Variants in SOX5 observed in about 807,000 individuals in gnomAD.
SOX5 encodes the protein SRY-box transcription factor 5.
A neutral mutation model predicts 92.0 loss-of-function variants in SOX5; 9 were observed. That is an observed-to-expected ratio of 0.10 (90% CI 0.06 to 0.17). The LOEUF is 0.17. Ranked by LOEUF, SOX5 falls within the 10% of genes least tolerant of loss-of-function variation. The probability of loss-of-function intolerance (pLI) is 1.00; values close to 1 mark genes in which losing one functional copy is unlikely to be tolerated. For synonymous variants in SOX5, 344 were observed against 336.3 expected (o/e 1.02, Z -0.25); for missense variants, 642 against 944.5 (o/e 0.68, Z 4.20).
At chr12:24,038,060 C>T in intron 4 of SOX5, among the ~76,000 whole-genome samples, 1 of 152,112 alleles carries the variant, frequency 6.6e-6, no homozygotes, top group East Asian at 1.9e-4. Flanking sequence ...AGAGTAGAAA[C>T]CAAGATTTAA....
At chr12:24,496,228 C>T (rs928403313) in intron 1 of SOX5, among the ~76,000 whole-genome samples, 3 of 152,110 alleles carry the variant, frequency 2.0e-5, no homozygotes, top group African/African-American at 4.8e-5. Context: ...AGAAGAGTAA[C>T]GCCTAAACAT....
At chr12:23,885,349 A>G (rs1003660176) in intron 2 of SOX5, among the ~76,000 whole-genome samples, 24 of 152,152 alleles carry the variant, frequency 1.6e-4, no homozygotes, top group African/African-American at 5.8e-4. Context: ...TACCCCTATC[A>G]TCTTTTTCAT....
chr12:24,378,167 A>G (rs1957470021), intron 1 of SOX5, among the ~76,000 whole-genome samples: 1 of 152,186 alleles, frequency 6.6e-6, no homozygotes, highest in South Asian at 2.1e-4. Context: ...TGGAAAGTCA[A>G]ATTTCGTCTT....
rs530895412 is a variant in SOX5 at position 24,266,614 on chromosome 12, TTCC to T, written c.-77+10599_-77+10601del. ...ATTTTATGTTTATTCTTCATTTAAC[TTCC>T]TCCTATTAACTGAATATTTCTATTA... On this transcript the variant is annotated intron_variant, in intron 3 of 4. Coordinates refer to the SOX5 transcript ENST00000446891. 3.7e-3 allele frequency among the ~76,000 whole-genome samples: 570 copies of T among 152,358 alleles called. 8 individuals carry two copies. Among genetic ancestry groups the T allele is most frequent in the African/African-American group, 0.013 (539 of 41,588 alleles).
At chr12:24,048,971 T>TA (rs1010053949) in intron 4 of SOX5, among the ~76,000 whole-genome samples, 44 of 152,116 alleles carry the variant, frequency 2.9e-4, no homozygotes, top group African/African-American at 8.2e-4. Context: ...TGAATAATAC[T>TA]AAAAAAACCC....
At chr12:23,685,635 C>G (rs888458692) in intron 6 of SOX5, among the ~76,000 whole-genome samples, 5 of 147,970 alleles carry the variant, frequency 3.4e-5, no homozygotes, top group African/African-American at 7.4e-5. Context: ...TTGTCCCCCC[C>G]CCCAAAAATC....
chr12:23,868,378 G>C (rs903653450), intron 2 of SOX5, among the ~76,000 whole-genome samples: 4 of 152,062 alleles, frequency 2.6e-5, no homozygotes, highest in African/African-American at 9.7e-5. Flanking sequence ...GTTCAGAAAA[G>C]AATATCAAGC....
At position 24,477,233 on chromosome 12, in the gene SOX5, G is replaced by A. The variant is rs368167070; in HGVS notation, c.-251+85096C>T. On this transcript the variant is annotated intron_variant, in intron 1 of 4. Coordinates refer to the SOX5 transcript ENST00000446891. ...ACTGCAACCTCCACCTCCTGGGCTC[G>A]AGCGATTCTCCTGCCTCAGCCTCTC... is the stretch of plus-strand genomic sequence containing the variant. Among the ~76,000 whole-genome samples the A allele has an allele frequency of 1.6e-3, 235 of 151,424 alleles. 1 individual carries two copies. Among genetic ancestry groups the A allele is most frequent in the African/African-American group, 5.6e-3 (230 of 41,268 alleles).
At chr12:24,516,358 G>C (rs2138399653) in intron 1 of SOX5, among the ~76,000 whole-genome samples, 1 of 152,218 alleles carries the variant, frequency 6.6e-6, no homozygotes, top group East Asian at 1.9e-4. Flanking sequence ...AACCATGTCA[G>C]TTTTTAATAT....
chr12:24,454,836 G>T (rs1422950680), intron 1 of SOX5, among the ~76,000 whole-genome samples: 1 of 151,962 alleles, frequency 6.6e-6, no homozygotes, highest in South Asian at 2.1e-4. Context: ...CCTCTAATTT[G>T]ACAGGAACTC....
chr12:23,845,432 A>G lies in SOX5; in HGVS notation c.481+551T>C, dbSNP rs189873720. 5.3e-5 allele frequency among the ~76,000 whole-genome samples: 8 copies of G among 152,342 alleles called. No individual in the cohort carries two copies. The East Asian group carries it at 5.8e-4, about 11-fold the overall frequency. On this transcript the variant is annotated intron_variant, in intron 3 of 14. Coordinates refer to ENST00000451604, the MANE Select transcript of SOX5 (RefSeq NM_006940.6). ...CTGAAGGTTCCTATCAGGAACTATT[A>G]AAGAGATTTAGAGGATAAAATCTTA...
At chr12:24,080,789 T>C (rs774240198) in intron 4 of SOX5, among the ~76,000 whole-genome samples, 1 of 151,962 alleles carries the variant, frequency 6.6e-6, no homozygotes, top group South Asian at 2.1e-4. Context: ...AAATATTTGA[T>C]AAGCAAAGCT....
intron 11 of SOX5, among the ~76,000 whole-genome samples, chr12:23,555,823 A>G (rs900326776): frequency 5.3e-5 from 8 of 152,192 alleles, no homozygotes; most frequent in Admixed American, 2.6e-4. Flanking sequence ...CTCGGCATGT[A>G]TTTCAATTAA....
chr12:23,941,481 T>C (rs992282205), intron 1 of SOX5, among the ~76,000 whole-genome samples: 6 of 151,542 alleles, frequency 4.0e-5, no homozygotes, highest in African/African-American at 1.5e-4. Context: ...CTTAGGGTCC[T>C]AAAAATAATA....
At chr12:24,167,741 CTCTT>C (rs1411212281) in intron 4 of SOX5, among the ~76,000 whole-genome samples, 1 of 152,216 alleles carries the variant, frequency 6.6e-6, no homozygotes, top group Non-Finnish European at 1.5e-5. Context: ...AGCTATTGAG[CTCTT>C]TATTTTCTTA....
intron 3 of SOX5, among the ~76,000 whole-genome samples, chr12:23,780,722 T>C (rs2095260654): frequency 6.6e-6 from 1 of 152,024 alleles, no homozygotes; most frequent in African/African-American, 2.4e-5. Flanking sequence ...TTGATCACAT[T>C]TTGGAAGTCT....
chr12:24,310,301 GCTTT>G (rs1276451056), intron 2 of SOX5, among the ~76,000 whole-genome samples: 2 of 152,142 alleles, frequency 1.3e-5, no homozygotes, highest in Non-Finnish European at 2.9e-5. Flanking sequence ...TCTGTAAAGT[GCTTT>G]CTAAAATATG....
chr12:23,977,663 C>CA (rs11287193), intron 4 of SOX5, among the ~76,000 whole-genome samples: 14,683 of 129,406 alleles, frequency 0.11, 980 homozygotes, highest in East Asian at 0.22. Context: ...CGTTCTGTCT[C>CA]AAAAAAAAAA....
At chr12:24,429,352 A>C (rs1351260236) in intron 1 of SOX5, among the ~76,000 whole-genome samples, 1 of 151,932 alleles carries the variant, frequency 6.6e-6, no homozygotes, top group African/African-American at 2.4e-5. Flanking sequence ...AAAACAAAAC[A>C]ACAACAAAAA....
Sources: allele counts gnomAD v4.1 joint callset (sites outside exome capture counted in the v4.1 genomes callset), GRCh38; gene constraint gnomAD v4.1.1; transcripts MANE v1.5; gene names NCBI Gene and HGNC (gene_info 2026-07-23, HGNC 2026-07-21).